Variants in MACROD1 observed in about 807,000 individuals in gnomAD.
MACROD1 encodes ADP-ribose glycohydrolase MACROD1.
MACROD1 carries 31 observed loss-of-function variants against 41.4 expected under a neutral mutation model. The observed-to-expected ratio is 0.75, with a 90% CI of 0.56 to 1.01. The LOEUF (loss-of-function observed/expected upper bound fraction) is 1.01, where lower values mean the gene tolerates loss of function less well. Ranked by LOEUF, MACROD1 falls within the 50% of genes least tolerant of loss-of-function variation. The pLI, the probability that MACROD1 is intolerant of heterozygous loss-of-function variation, is 0.00. For missense variants in MACROD1, 473 were observed against 460.0 expected (o/e 1.03, Z -0.26); for synonymous variants, 252 against 203.4 (o/e 1.24, Z -2.03).
At chr11:64,015,841 G>A (rs1943074145) in intron 3 of MACROD1, among the ~76,000 whole-genome samples, 2 of 152,178 alleles carry the variant, frequency 1.3e-5, no homozygotes, top group Admixed American at 6.5e-5. Context: ...GGGCGGGGGC[G>A]TCCAACTGCG....
intron 3 of MACROD1, among the ~76,000 whole-genome samples, chr11:64,078,896 G>A (rs1944253095): frequency 6.6e-6 from 1 of 152,224 alleles, no homozygotes; most frequent in African/African-American, 2.4e-5. Flanking sequence ...CTCAGAGTGG[G>A]AGTTTGGCAG....
chr11:64,145,872 C>T (rs1314132249), intron 3 of MACROD1, among the ~76,000 whole-genome samples: 1 of 152,172 alleles, frequency 6.6e-6, no homozygotes, highest in East Asian at 1.9e-4. Flanking sequence ...CAGGTTCAAG[C>T]AATTCTTCTG....
At position 63,999,017 on chromosome 11, in the gene MACROD1, C is replaced by T; in HGVS notation, c.911G>A (p.Cys304Tyr). Residue 304 changes from cysteine (C) to tyrosine (Y), a missense_variant, in exon 9 of 11, where the codon TGC becomes TAC. Physicochemically the swap from Cys to Tyr is radical, Grantham distance 194. Coordinates refer to ENST00000255681, the MANE Select transcript of MACROD1 (RefSeq NM_014067.4). ...HKDKVDRLIICVFLEKDEDIY... is the reference protein window; with the variant it reads ...HKDKVDRLIIYVFLEKDEDIY... ...GTCCTCGTCCTTCTCGAGGAACACG[C>T]AGATGATCAGCCGGTCCACCTGCGC... The T allele has an allele frequency of 6.2e-7, 1 of 1,607,110 alleles. No homozygotes were observed. The highest frequency in any genetic ancestry group is 1.3e-5 in the African/African-American group (1 of 74,934).
At position 64,142,285 on chromosome 11, in the gene MACROD1, G is replaced by A. The variant is rs185669442; in HGVS notation, c.517+8954C>T. 6.8e-4 allele frequency among the ~76,000 whole-genome samples: 103 copies of A among 152,248 alleles called. No individual in the cohort carries two copies. In the East Asian group the frequency reaches 0.015, roughly 22 times the overall value. Reference sequence around the variant, plus strand: ...TGGCTCACACCTGTAATCCGACCATGCTGGGAAGCCAAGGCAAGAGGATGA... The same window carrying A: ...TGGCTCACACCTGTAATCCGACCATACTGGGAAGCCAAGGCAAGAGGATGA... On this transcript the variant is annotated intron_variant, in intron 3 of 10. Transcript: ENST00000255681.
At chr11:64,139,048 T>A (rs1164511490) in intron 3 of MACROD1, among the ~76,000 whole-genome samples, 1 of 152,148 alleles carries the variant, frequency 6.6e-6, no homozygotes, top group Non-Finnish European at 1.5e-5. Context: ...ATTATAGGCG[T>A]GAGCCACCGC....
At chr11:64,143,471 G>A (rs1021223106) in intron 3 of MACROD1, among the ~76,000 whole-genome samples, 2 of 152,170 alleles carry the variant, frequency 1.3e-5, no homozygotes, top group Admixed American at 1.3e-4. Context: ...GCTCCATGGG[G>A]CATGCCGGGG....
At chr11:64,016,769 G>A (rs567189461) in intron 3 of MACROD1, among the ~76,000 whole-genome samples, 7 of 152,224 alleles carry the variant, frequency 4.6e-5, no homozygotes, top group Non-Finnish European at 7.3e-5. Context: ...GGTGGGGGCC[G>A]CGGGAAGTGA....
intron 3 of MACROD1, among the ~76,000 whole-genome samples, chr11:64,121,254 C>T (rs560605872): frequency 5.3e-5 from 8 of 152,180 alleles, no homozygotes; most frequent in African/African-American, 1.9e-4. Flanking sequence ...CAGGACCACG[C>T]GAGTCTCCTG....
chr11:64,034,872 A>C (rs933860225), intron 3 of MACROD1, among the ~76,000 whole-genome samples: 1 of 152,238 alleles, frequency 6.6e-6, no homozygotes, highest in Non-Finnish European at 1.5e-5. Flanking sequence ...TGACCAGGGC[A>C]GGCCAGGCTG....
At chr11:64,100,337 G>A (rs907059487) in intron 3 of MACROD1, among the ~76,000 whole-genome samples, 16 of 152,172 alleles carry the variant, frequency 1.1e-4, no homozygotes, top group African/African-American at 3.6e-4. Context: ...TGATGTGATT[G>A]ACGACAACAA....
intron 3 of MACROD1, among the ~76,000 whole-genome samples, chr11:64,119,682 G>C (rs927104363): frequency 3.9e-5 from 6 of 152,128 alleles, no homozygotes; most frequent in Non-Finnish European, 8.8e-5. Flanking sequence ...TGTTTCTTGA[G>C]AGGGAGAGAC....
At chr11:64,114,393 A>G (rs1944931934) in intron 3 of MACROD1, among the ~76,000 whole-genome samples, 1 of 141,816 alleles carries the variant, frequency 7.1e-6, no homozygotes, top group Non-Finnish European at 1.6e-5. Flanking sequence ...GGATGGGTGA[A>G]TGGACAGGTG....
chr11:64,047,048 C>G (rs528896496), intron 3 of MACROD1, among the ~76,000 whole-genome samples: 1 of 152,302 alleles, frequency 6.6e-6, no homozygotes, highest in African/African-American at 2.4e-5. Flanking sequence ...AGTGCCCCCC[C>G]CGGCTAGCAT....
chr11:64,154,406 C>T (rs1945634362), intron 1 of MACROD1, among the ~76,000 whole-genome samples: 1 of 152,190 alleles, frequency 6.6e-6, no homozygotes, highest in Admixed American at 6.5e-5. Flanking sequence ...CTCTCACCCT[C>T]CAGGACTGAG....
rs188144121 is a variant in MACROD1 at position 64,155,102 on chromosome 11, G to A, written c.299-2709C>T. Among the ~76,000 whole-genome samples, 43 of 152,322 alleles carry A rather than the reference G, an allele frequency of 2.8e-4. No homozygotes were observed. In the East Asian group the frequency reaches 7.7e-3, roughly 27 times the overall value. ...CCATCAGATTCCCACCACCTGGCAC[G>A]GTGTGTGGGCACCTGAGGGTGCCTG... On this transcript the variant is annotated intron_variant, in intron 1 of 10. Coordinates refer to ENST00000255681, the MANE Select transcript of MACROD1 (RefSeq NM_014067.4).
intron 3 of MACROD1, among the ~76,000 whole-genome samples, chr11:64,058,727 C>G (rs1350536148): frequency 6.6e-6 from 1 of 152,266 alleles, no homozygotes; most frequent in African/African-American, 2.4e-5. Flanking sequence ...TGCCAATTAC[C>G]TCGCCTCCTG....
In MACROD1 at chr11:64,116,809, T is replaced by G. The variant is rs1386084347; in HGVS notation, c.517+34430A>C. On this transcript the variant is annotated intron_variant, in intron 3 of 10. Coordinates refer to ENST00000255681, the MANE Select transcript of MACROD1 (RefSeq NM_014067.4). ...TTCGCCGACAGCAAACAGCTCAAGC[T>G]GCTCTTCCTGAGCCGGAACCACCTG... 3.1e-6 allele frequency: 5 copies of G among 1,613,420 alleles called. No individual in the cohort carries two copies. The highest frequency in any genetic ancestry group is 4.2e-6 in the Non-Finnish European group (5 of 1,180,008).
At chr11:64,099,083 T>C (rs996185626) in intron 3 of MACROD1, among the ~76,000 whole-genome samples, 1 of 152,236 alleles carries the variant, frequency 6.6e-6, no homozygotes, top group Non-Finnish European at 1.5e-5. Flanking sequence ...CTCTAGAAGA[T>C]AGGCAGGTGG....
In MACROD1 at chr11:64,145,337, G is replaced by A. The variant is rs1209538936; in HGVS notation, c.517+5902C>T. The stretch of plus-strand genomic sequence containing the variant: ...CCTTGCAGAATTAATTGGTCCCTGC[G>A]GCGTTGCGTGGCACTTTGTTCAGAC... On this transcript the variant is annotated intron_variant, in intron 3 of 10. Transcript: ENST00000255681. Among the ~76,000 whole-genome samples, 9 of 152,186 alleles carry A rather than the reference G, an allele frequency of 5.9e-5. No individual in the cohort carries two copies. The East Asian group carries it at 1.7e-3, about 29-fold the overall frequency.
Sources: gnomAD v4.1 joint callset for allele counts (sites outside exome capture counted in the v4.1 genomes callset) on GRCh38, gnomAD v4.1.1 for gene constraint, MANE v1.5 for transcripts, NCBI Gene and HGNC (gene_info 2026-07-23, HGNC 2026-07-21) for gene names.